TRMT10C: variants seen among roughly 807,000 people sequenced by gnomAD.
TRMT10C encodes the protein tRNA methyltransferase 10C, mitochondrial RNase P subunit.
TRMT10C carries 14 observed loss-of-function variants against 27.4 expected under a neutral mutation model. The ratio of observed to expected loss-of-function variants is 0.51; its 90% CI spans 0.34 to 0.80. TRMT10C has a LOEUF of 0.80. Among genes scored for constraint, TRMT10C ranks in the 30% least tolerant of loss-of-function variants. The pLI is 0.02. For synonymous variants in TRMT10C, 143 were observed against 155.9 expected (o/e 0.92, Z 0.62); for missense variants, 438 against 464.8 (o/e 0.94, Z 0.53).
intron 1 of TRMT10C, among the ~76,000 whole-genome samples, chr3:101,562,691 T>G (rs1398712294): frequency 6.6e-6 from 1 of 151,866 alleles, no homozygotes; most frequent in African/African-American, 2.4e-5. Context: ...TTTCTTTTTT[T>G]TTTTTTTAAT....
rs1321042833 is a variant in TRMT10C at position 101,565,743 on chromosome 3, C to T, written c.962C>T (p.Thr321Ile). 2 of 1,614,184 alleles carry T rather than the reference C, an allele frequency of 1.2e-6. No homozygotes were observed. Among genetic ancestry groups the T allele is most frequent in the East Asian group, 2.2e-5 (1 of 44,880 alleles). Residue 321 changes from threonine to isoleucine, a missense_variant, in exon 2 of 2, where the codon ACA becomes ATA. Thr to Ile is a moderately conservative substitution (Grantham distance 89). Coordinates refer to ENST00000309922, the MANE Select transcript of TRMT10C (RefSeq NM_017819.4). ...SFVDKSMQPG[T>I]SLAKAKRLNL... ...GTTGATAAGAGTATGCAGCCAGGCA[C>T]ATCCCTAGCCAAGGCAAAACGGCTG...
rs887529245 is a variant in TRMT10C, at chr3:101,565,011, A to G, written c.230A>G (p.Glu77Gly). 8 of 1,613,942 alleles carry G rather than the reference A, an allele frequency of 5.0e-6. No homozygotes were observed. The African/African-American group carries it at 9.3e-5, about 19-fold the overall frequency. The change falls in exon 2 of 2, where the codon GAA becomes GGA. Residue 77 changes from glutamate to glycine, a missense_variant. Coordinates refer to ENST00000309922, the MANE Select transcript of TRMT10C (RefSeq NM_017819.4). The part of the protein sequence containing the change: ...KTTMKSSVQE[E>G]CVSTISSSKD... ...ACCATGAAATCTAGTGTGCAAGAAG[A>G]ATGTGTTTCAACAATCTCAAGCAGT...
intron 1 of TRMT10C, among the ~76,000 whole-genome samples, chr3:101,564,332 AC>A (rs1177140860): frequency 3.5e-5 from 5 of 143,262 alleles, no homozygotes; most frequent in African/African-American, 1.3e-4. Context: ...ATCTCGCCTC[AC>A]TGCAACCTCC....
Position 101,566,174 on chromosome 3 carries a change from C to T in TRMT10C, c.*181C>T. 1 of 616,744 alleles carries T rather than the reference C, an allele frequency of 1.6e-6. No individual in the cohort carries two copies. 38.2% of individuals were successfully genotyped at this position (616,744 alleles called of 1,614,324 possible). On this transcript the variant is annotated 3_prime_UTR_variant, in exon 2 of 2. Transcript: ENST00000309922. ...CTGACTGTAGGGTTGTGTCTTTTCC[C>T]AATTAAATATCTGCAGAACTTTGGG...
At position 101,566,273 on chromosome 3, in the gene TRMT10C, C is replaced by G. The variant is rs774536266; in HGVS notation, c.*280C>G. The stretch of plus-strand genomic sequence containing the variant: ...TTGTTGAACAGAATAATCTTTATCC[C>G]AGTTAAATAGTTGTACCATTGGTAG... On this transcript the variant is annotated 3_prime_UTR_variant, in exon 2 of 2. Coordinates refer to ENST00000309922, the MANE Select transcript of TRMT10C (RefSeq NM_017819.4). 1 of 286,800 alleles carries G rather than the reference C, an allele frequency of 3.5e-6. No homozygotes were observed. The highest frequency in any genetic ancestry group is 6.9e-6 in the Non-Finnish European group (1 of 144,888). 17.8% of individuals were successfully genotyped at this position (286,800 alleles called of 1,614,324 possible).
Position 101,565,155 on chromosome 3 carries a change from C to G in TRMT10C, c.374C>G (p.Ser125Cys). ...EELKTLMECV[S>C]NTAKKKYLKY... is the part of the protein sequence containing the mutation. ...CTCAAAACCCTTATGGAATGTGTTTCTAACACAGCAAAAAAAAAATATTTA... is the reference window on the plus strand; with the variant it reads ...CTCAAAACCCTTATGGAATGTGTTTGTAACACAGCAAAAAAAAAATATTTA... The change falls in exon 2 of 2, where the codon TCT becomes TGT. Residue 125 changes from serine (S) to cysteine (C), a missense_variant. By Grantham distance (112) the Ser-to-Cys change is moderately radical. Around this residue, in one of 3 missense-constraint regions of TRMT10C, gnomAD observed 350 missense variants for 370.5 expected, o/e 0.94. Coordinates refer to ENST00000309922, the MANE Select transcript of TRMT10C (RefSeq NM_017819.4). 1.3e-6 allele frequency: 2 copies of G among 1,577,712 alleles called. No homozygotes were observed. The highest frequency in any genetic ancestry group is 2.4e-5 in the South Asian group (2 of 83,030).
At chr3:101,564,520 A>G (rs560141557) in intron 1 of TRMT10C, among the ~76,000 whole-genome samples, 3 of 152,208 alleles carry the variant, frequency 2.0e-5, no homozygotes, top group Non-Finnish European at 4.4e-5. Context: ...TCAGGCTCCC[A>G]AAGTGCTGGG....
At position 101,565,088 on chromosome 3, in the gene TRMT10C, T is replaced by G. The variant is rs1559949359; in HGVS notation, c.307T>G (p.Leu103Val). ...CAGAGAGTTCATTGAGATGTGGAGA[T>G]TGCTTGGCAGAGAAGTACCAGAACA... is the stretch of plus-strand genomic sequence containing the variant. The part of the protein sequence containing the change: ...ATREFIEMWR[L>V]LGREVPEHIT... The change falls in exon 2 of 2, where the codon TTG becomes GTG. Residue 103 changes from leucine (L) to valine (V), a missense_variant. Around this residue, in one of 3 missense-constraint regions of TRMT10C, gnomAD observed 350 missense variants for 370.5 expected, o/e 0.94. Transcript: ENST00000309922. The G allele has an allele frequency of 6.2e-7, 1 of 1,613,896 alleles. No individual in the cohort carries two copies. Among genetic ancestry groups the G allele is most frequent in the East Asian group, 2.2e-5 (1 of 44,862 alleles).
Position 101,565,961 on chromosome 3 carries a change from T to C in TRMT10C, c.1180T>C (p.Phe394Leu). 2 of 1,609,868 alleles carry C rather than the reference T, an allele frequency of 1.2e-6. No homozygotes were observed. The highest frequency in any genetic ancestry group is 8.5e-7 in the Non-Finnish European group (1 of 1,178,152). ...GGAGATTTCTCAGCATTCTCAAGAG[T>C]TTATCAACAGACTAAAGAAGGCAAA... ...FLEISQHSQE[F>L]INRLKKAKT Residue 394 changes from phenylalanine (F) to leucine (L), a missense_variant, in exon 2 of 2, where the codon TTT (phenylalanine) becomes CTT (leucine). Transcript: ENST00000309922.
chr3:101,564,964 A>G lies in TRMT10C; in HGVS notation c.183A>G (p.Leu61=). 1 of 1,614,008 alleles carries G rather than the reference A, an allele frequency of 6.2e-7. No individual in the cohort carries two copies. The highest frequency in any genetic ancestry group is 8.5e-7 in the Non-Finnish European group (1 of 1,179,984). ...AGAGTACACCCCCTTCTGAAGAGCT[A>G]GAGTTGGATAAGTGGAAAACTACCA... ...KNESTPPSEE[L]ELDKWKTTMK... is the part of the protein sequence containing the mutation. Residue 61 remains leucine, a synonymous_variant, in exon 2 of 2, where the codon CTA becomes CTG. Coordinates refer to ENST00000309922, the MANE Select transcript of TRMT10C (RefSeq NM_017819.4).
In TRMT10C at chr3:101,565,206, T is replaced by A. The variant is rs1934489640; in HGVS notation, c.425T>A (p.Val142Glu). 2 of 1,578,522 alleles carry A rather than the reference T, an allele frequency of 1.3e-6. No homozygotes were observed. The highest frequency in any genetic ancestry group is 2.3e-5 in the East Asian group (1 of 43,598). The change falls in exon 2 of 2, where the codon GTG becomes GAG. Residue 142 changes from valine to glutamate, a missense_variant. Coordinates refer to ENST00000309922, the MANE Select transcript of TRMT10C (RefSeq NM_017819.4). ...AAATATTTATATACGAAGGAAAAAG[T>A]GAAAAAAGCTAGGCAAATAAAAAAG... Reference protein sequence around the residue: ...YLKYLYTKEKVKKARQIKKEM... With the variant: ...YLKYLYTKEKEKKARQIKKEM...
intron 1 of TRMT10C, among the ~76,000 whole-genome samples, chr3:101,563,836 A>T (rs1934465132): frequency 6.6e-6 from 1 of 151,716 alleles, no homozygotes; most frequent in South Asian, 2.1e-4. Flanking sequence ...ATTTATATAC[A>T]TTTGTCTCAA....
In TRMT10C at chr3:101,565,477, A is replaced by G. The variant is rs1934495818; in HGVS notation, c.696A>G (p.Gly232=). 1 of 1,614,176 alleles carries G rather than the reference A, an allele frequency of 6.2e-7. No homozygotes were observed. The highest frequency in any genetic ancestry group is 8.5e-7 in the Non-Finnish European group (1 of 1,180,006). ...NTVSQLLESE[G]WNRRNVDPFH... is the part of the protein sequence containing the mutation. ...TTTCCCAGCTTTTAGAAAGTGAAGG[A>G]TGGAACAGAAGAAATGTTGATCCTT... Residue 232 remains glycine (G), a synonymous_variant, in exon 2 of 2, where the codon GGA becomes GGG. Transcript: ENST00000309922.
At position 101,566,206 on chromosome 3, in the gene TRMT10C, C is replaced by A; in HGVS notation, c.*213C>A. ...ATATCTGCAGAACTTTGGGATTATA[C>A]TTTGTTTACTGTAGAAAGATAATAA... is the stretch of plus-strand genomic sequence containing the variant. On this transcript the variant is annotated 3_prime_UTR_variant, in exon 2 of 2. Transcript: ENST00000309922. 1 of 489,846 alleles carries A rather than the reference C, an allele frequency of 2.0e-6. No individual in the cohort carries two copies. Among genetic ancestry groups the A allele is most frequent in the Non-Finnish European group, 3.7e-6 (1 of 272,786 alleles). The allele number at this position is 489,846 out of a possible 1,614,324, so 30.3% of individuals were successfully genotyped here.
chr3:101,562,026 C>G (rs923239756), intron 1 of TRMT10C, 23 bp downstream of exon 1: 2 of 152,152 alleles, frequency 1.3e-5, no homozygotes, highest in Non-Finnish European at 2.9e-5. Flanking sequence ...CTTCTTTCGC[C>G]TAATGTGTGT....
At chr3:101,564,256 C>CTTTTTT (rs11410961) in intron 1 of TRMT10C, among the ~76,000 whole-genome samples, 3 of 121,486 alleles carry the variant, frequency 2.5e-5, no homozygotes, top group Non-Finnish European at 1.7e-5. Context: ...AAGAACCCAA[C>CTTTTTT]TTTTTTTTTT....
chr3:101,563,371 T>C (rs544617183), intron 1 of TRMT10C, among the ~76,000 whole-genome samples: 1 of 152,292 alleles, frequency 6.6e-6, no homozygotes, highest in Non-Finnish European at 1.5e-5. Flanking sequence ...TTGGTCAGGC[T>C]GGTCTCAAAC....
At chr3:101,564,223 A>G (rs1934471437) in intron 1 of TRMT10C, among the ~76,000 whole-genome samples, 1 of 150,804 alleles carries the variant, frequency 6.6e-6, no homozygotes, top group Non-Finnish European at 1.5e-5. Context: ...AGCTAAAGCA[A>G]TAGTGAAATT....
In TRMT10C at chr3:101,565,996, C is replaced by A. The variant is rs201907595; in HGVS notation, c.*3C>A. The A allele has an allele frequency of 6.3e-7, 1 of 1,582,788 alleles. No individual in the cohort carries two copies. Among genetic ancestry groups the A allele is most frequent in the Non-Finnish European group, 8.6e-7 (1 of 1,166,008 alleles). ...GACTAAAGAAGGCAAAGACTTAATT[C>A]ATTTTCAAAAGGTTCTCTGAATGTG... On this transcript the variant is annotated 3_prime_UTR_variant, in exon 2 of 2. Transcript: ENST00000309922.
Sources: gnomAD v4.1 joint callset for allele counts (sites outside exome capture counted in the v4.1 genomes callset) on GRCh38, gnomAD v4.1.1 for gene constraint, gnomAD v4.1.1 regional missense constraint, MANE v1.5 for transcripts, NCBI Gene and HGNC (gene_info 2026-07-23, HGNC 2026-07-21) for gene names.